Variants in TIMM23 observed in about 807,000 individuals in gnomAD.
The protein encoded by TIMM23 is mitochondrial import inner membrane translocase subunit Tim23.
A neutral mutation model predicts 30.7 loss-of-function variants in TIMM23; 19 were observed. The observed-to-expected ratio is 0.62, with a 90% CI of 0.43 to 0.91. The LOEUF is 0.91. TIMM23 is among the 40% of genes least tolerant of loss of function. The probability of loss-of-function intolerance (pLI) is 0.00; values close to 1 mark genes in which losing one functional copy is unlikely to be tolerated. For synonymous variants in TIMM23, 78 were observed against 98.5 expected, an observed-to-expected ratio of 0.79 and a Z score of 1.23; for missense variants, 202 against 269.2, an observed-to-expected ratio of 0.75 and a Z score of 1.75.
intron 6 of TIMM23, chr10:45,992,651 G>A (rs1291101780): frequency 1.5e-5 from 6 of 396,986 alleles, no homozygotes; most frequent in East Asian, 7.3e-5. Context: ...TCCACCTCCC[G>A]GGTTCAAGCG....
At chr10:45,978,031 CAAAA>C (rs782245516) in intron 2 of TIMM23, among the ~76,000 whole-genome samples, 4 of 147,336 alleles carry the variant, frequency 2.7e-5, no homozygotes, top group Non-Finnish European at 6.0e-5. Context: ...GACTCGGTCT[CAAAA>C]AAAAAATAAA....
intron 6 of TIMM23, among the ~76,000 whole-genome samples, chr10:45,996,425 A>C (rs1210621347): frequency 1.3e-5 from 2 of 150,086 alleles, no homozygotes; most frequent in Non-Finnish European, 2.9e-5. Flanking sequence ...CTTTTGAAAA[A>C]GGTCCGCCTA....
rs1347299342 is a variant in TIMM23, at chr10:46,002,435, C to G, written c.515-768C>G. The G allele has an allele frequency of 1.6e-5, 14 of 870,908 alleles. No homozygotes were observed. The South Asian group carries it at 6.8e-4, about 42-fold the overall frequency. 53.9% of individuals were successfully genotyped at this position (870,908 alleles called of 1,614,324 possible). On this transcript the variant is annotated intron_variant, in intron 6 of 6. Transcript: ENST00000580018. ...AAGCCTGCCTCAGCCTCCCAAAGTGCTGGGATTACATGTGTGAGCCACCAT... is the reference window on the plus strand; with the variant it reads ...AAGCCTGCCTCAGCCTCCCAAAGTGGTGGGATTACATGTGTGAGCCACCAT...
intron 6 of TIMM23, among the ~76,000 whole-genome samples, chr10:45,993,797 G>A (rs1239391069): frequency 6.6e-6 from 1 of 152,154 alleles, no homozygotes; most frequent in Non-Finnish European, 1.5e-5. Context: ...TCCAGCCTGG[G>A]CAATAGAGCA....
At chr10:45,993,930 T>C (rs1312489587) in intron 6 of TIMM23, among the ~76,000 whole-genome samples, 1 of 147,764 alleles carries the variant, frequency 6.8e-6, no homozygotes, top group Non-Finnish European at 1.5e-5. Flanking sequence ...AAATGAAATA[T>C]TGAAATGAAT....
chr10:45,979,520 G>A (rs1590113098), intron 2 of TIMM23, among the ~76,000 whole-genome samples: 1 of 148,988 alleles, frequency 6.7e-6, no homozygotes, highest in South Asian at 2.1e-4. Flanking sequence ...TGCCCAGGCT[G>A]GTCTCTTAAC....
rs1837878132 is a variant in TIMM23 at position 45,982,527 on chromosome 10, C to T, written c.170C>T (p.Thr57Ile). ...NVDPRYLVQD[T>I]DEFILPTGAN... Reference sequence around the variant, plus strand: ...TTTTCATTATTATCCTTTTAGGATACAGATGAGTTTATTTTACCTACCGGA... The same window carrying T: ...TTTTCATTATTATCCTTTTAGGATATAGATGAGTTTATTTTACCTACCGGA... The change falls in exon 3 of 7, where the codon ACA (threonine) becomes ATA (isoleucine). Residue 57 changes from threonine to isoleucine, a missense_variant. Thr to Ile is a moderately conservative substitution (Grantham distance 89). Coordinates refer to ENST00000580018, the MANE Select transcript of TIMM23 (RefSeq NM_006327.4). 1 of 1,613,902 alleles carries T rather than the reference C, an allele frequency of 6.2e-7. No homozygotes were observed. The highest frequency in any genetic ancestry group is 8.5e-7 in the Non-Finnish European group (1 of 1,179,838).
Position 45,972,677 on chromosome 10 carries a change from T to C in TIMM23, c.53T>C (p.Phe18Ser), listed in dbSNP as rs1157826096. 6.2e-7 allele frequency: 1 copy of C among 1,613,968 alleles called. No homozygotes were observed. The highest frequency in any genetic ancestry group is 8.5e-7 in the Non-Finnish European group (1 of 1,179,852). The change falls in exon 1 of 7, where the codon TTT becomes TCT. Residue 18 changes from phenylalanine to serine, a missense_variant. Transcript: ENST00000580018. ...GNKTTGGLAG[F>S]FGAGGAGYSH... ...AAAACCACAGGGGGATTGGCCGGCT[T>C]TTTCGGAGCCGGCGGAGCAGGTTAC...
chr10:45,989,435 G>A (rs1838092244), intron 6 of TIMM23, among the ~76,000 whole-genome samples: 1 of 152,156 alleles, frequency 6.6e-6, no homozygotes, highest in East Asian at 1.9e-4. Flanking sequence ...ATGCTGCTAC[G>A]AATATGGATG....
intron 2 of TIMM23, among the ~76,000 whole-genome samples, chr10:45,979,351 C>G (rs1370473897): frequency 2.0e-5 from 3 of 152,292 alleles, no homozygotes; most frequent in Non-Finnish European, 2.9e-5. Context: ...ACTGGAGTTG[C>G]AGTAGCAGCA....
At position 45,973,827 on chromosome 10, in the gene TIMM23, A is replaced by G. The variant is rs1490815792; in HGVS notation, c.106+1097A>G. On this transcript the variant is annotated intron_variant, in intron 1 of 6. Coordinates refer to ENST00000580018, the MANE Select transcript of TIMM23 (RefSeq NM_006327.4). ...CCTGGCTAATTTTTTTTTTTTTTTG[A>G]CTTATTGTGGAGATGGGGTCTCCCT... Among the ~76,000 whole-genome samples the G allele has an allele frequency of 2.1e-5, 3 of 141,968 alleles. No individual in the cohort carries two copies. The East Asian group carries it at 6.1e-4, about 29-fold the overall frequency. The allele number at this position is 141,968 out of a possible 152,430, so 93.1% of individuals were successfully genotyped here.
At chr10:45,978,225 C>T (rs1837736626) in intron 2 of TIMM23, among the ~76,000 whole-genome samples, 1 of 151,452 alleles carries the variant, frequency 6.6e-6, no homozygotes. Context: ...TGGTGGTGTG[C>T]ACCTGTAGTC....
At chr10:45,994,640 C>T (rs1382508156) in intron 6 of TIMM23, among the ~76,000 whole-genome samples, 4 of 133,212 alleles carry the variant, frequency 3.0e-5, no homozygotes, top group Non-Finnish European at 6.3e-5. Flanking sequence ...CGGGGTTTCA[C>T]CATGGTGCCC....
chr10:45,996,015 T>C (rs1313347745), intron 6 of TIMM23, among the ~76,000 whole-genome samples: 1 of 149,924 alleles, frequency 6.7e-6, no homozygotes, highest in Non-Finnish European at 1.5e-5. Context: ...CAAAAAATGC[T>C]GCCTTTCGGA....
intron 2 of TIMM23, among the ~76,000 whole-genome samples, 155 bp from the exon 3 acceptor site, chr10:45,982,368 C>A (rs1341577158): frequency 2.6e-5 from 4 of 152,196 alleles, no homozygotes; most frequent in African/African-American, 9.7e-5. Context: ...TTAGGTGTTA[C>A]TGCTGCAGAA....
intron 2 of TIMM23, 117 bp downstream of exon 2, chr10:45,975,629 C>T (rs1837651084): frequency 7.5e-7 from 1 of 1,336,436 alleles, no homozygotes; most frequent in Non-Finnish European, 1.1e-6. Flanking sequence ...TCTCTGGTCT[C>T]CATTCACCCT....
chr10:45,976,512 G>A (rs1554913138), intron 2 of TIMM23, among the ~76,000 whole-genome samples: 80,676 of 143,312 alleles, frequency 0.56, 22,243 homozygotes, highest in Admixed American at 0.65. Flanking sequence ...TTGAGAGGCT[G>A]AGGCACGAGA....
chr10:45,986,943 CT>C (rs1195970395), intron 5 of TIMM23, among the ~76,000 whole-genome samples: 1 of 152,110 alleles, frequency 6.6e-6, no homozygotes, highest in Non-Finnish European at 1.5e-5. Flanking sequence ...ATTGATGTTT[CT>C]TCTGAATTCT....
chr10:45,998,389 C>CAT, intron 6 of TIMM23: 1 of 985,220 alleles, frequency 1.0e-6, no homozygotes, highest in Non-Finnish European at 1.2e-6. Flanking sequence ...TCCCAAAATA[C>CAT]AGGAGGTAAA....
Sources: allele counts gnomAD v4.1 joint callset (sites outside exome capture counted in the v4.1 genomes callset), GRCh38; gene constraint gnomAD v4.1.1; transcripts MANE v1.5; gene names NCBI Gene and HGNC (gene_info 2026-07-23, HGNC 2026-07-21).